The following OR8J1 variants were observed in gnomAD, a reference collection of about 807,000 sequenced individuals.
OR8J1 encodes the protein olfactory receptor 8J1.
For synonymous variants in OR8J1, 157 were observed against 144.3 expected, an observed-to-expected ratio of 1.09 and a Z score of -0.63; for missense variants, 400 against 373.0, an observed-to-expected ratio of 1.07 and a Z score of -0.60.
chr11:56,357,518 T>G (rs1164982994), intron 1 of OR8J1: 1 of 850,868 alleles, frequency 1.2e-6, no homozygotes, highest in Admixed American at 1.7e-5. Flanking sequence ...GTCAGATTGC[T>G]TATGGCTGTA....
At chr11:56,358,503 A>C (rs903367542) in intron 1 of OR8J1, among the ~76,000 whole-genome samples, 6 of 152,154 alleles carry the variant, frequency 3.9e-5, no homozygotes, top group African/African-American at 1.4e-4. Context: ...GTTCTTTCAG[A>C]TCCTTTAGGT....
chr11:56,357,793 A>G, intron 1 of OR8J1: 1 of 1,331,178 alleles, frequency 7.5e-7, no homozygotes, highest in Non-Finnish European at 1.1e-6. Context: ...ACCACTGGCA[A>G]TAAAGTTTTT....
At position 56,360,913 on chromosome 11, in the gene OR8J1, T is replaced by C. The variant is rs1456382578; in HGVS notation, c.667T>C (p.Leu223=). The C allele has an allele frequency of 7.4e-6, 11 of 1,486,324 alleles. No individual in the cohort carries two copies. Among genetic ancestry groups the C allele is most frequent in the Non-Finnish European group, 9.8e-6 (11 of 1,121,622 alleles). 92.1% of individuals were successfully genotyped at this position (1,486,324 alleles called of 1,614,324 possible). ...TCTAGTATCTTATTTCAATATTGTT[T>C]TGTCTATTTTAAAAATATGTTCATC... ...IVLVSYFNIV[L]SILKICSSEG... Residue 223 remains leucine, a synonymous_variant, in exon 2 of 2, where the codon TTG becomes CTG. Coordinates refer to ENST00000533152, the MANE Select transcript of OR8J1 (RefSeq NM_001005205.3).
chr11:56,357,791 C>T (rs1854990136), intron 1 of OR8J1: 1 of 1,338,086 alleles, frequency 7.5e-7, no homozygotes, highest in Admixed American at 1.7e-5. Context: ...CTACCACTGG[C>T]AATAAAGTTT....
At chr11:56,354,522 G>GT (rs1854941958) in intron 1 of OR8J1, among the ~76,000 whole-genome samples, 197 bp downstream of exon 1, 1 of 152,128 alleles carries the variant, frequency 6.6e-6, no homozygotes, top group African/African-American at 2.4e-5. Flanking sequence ...ATATGATCAA[G>GT]CTATTTATGT....
intron 1 of OR8J1, among the ~76,000 whole-genome samples, chr11:56,355,866 A>G (rs1367988098): frequency 6.6e-6 from 1 of 152,190 alleles, no homozygotes; most frequent in Non-Finnish European, 1.5e-5. Context: ...TTTTAAATGT[A>G]TGGAGCCACT....
chr11:56,358,996 T>G (rs1392291105), intron 1 of OR8J1, among the ~76,000 whole-genome samples: 1 of 152,206 alleles, frequency 6.6e-6, no homozygotes, highest in Non-Finnish European at 1.5e-5. Context: ...TCTATTTTTC[T>G]TTTCATTGTA....
At chr11:56,356,398 C>G (rs181125065) in intron 1 of OR8J1, among the ~76,000 whole-genome samples, 12 of 152,132 alleles carry the variant, frequency 7.9e-5, no homozygotes. Context: ...CAGTACAGCA[C>G]CAGGTTTCAG....
chr11:56,355,192 G>A (rs1854950611), intron 1 of OR8J1, among the ~76,000 whole-genome samples: 1 of 151,646 alleles, frequency 6.6e-6, no homozygotes, highest in Admixed American at 6.6e-5. Context: ...AAAACCCTAA[G>A]TACAATGAAA....
Position 56,357,275 on chromosome 11 carries a change from C to T in OR8J1, c.-21+2950C>T, listed in dbSNP as rs181589321. The stretch of plus-strand genomic sequence containing the variant: ...TTTTGTCATGGCTTACAATTCAAGG[C>T]CTGCAGGTCTCTGTCAAGCCGTGGA... On this transcript the variant is annotated intron_variant, in intron 1 of 1. Coordinates refer to ENST00000533152, the MANE Select transcript of OR8J1 (RefSeq NM_001005205.3). The T allele has an allele frequency of 1.5e-5, 6 of 404,426 alleles. No individual in the cohort carries two copies. The East Asian group carries it at 2.6e-4, about 17-fold the overall frequency. 25.1% of individuals were successfully genotyped at this position (404,426 alleles called of 1,614,324 possible).
intron 1 of OR8J1, among the ~76,000 whole-genome samples, chr11:56,358,714 T>G (rs962066901): frequency 6.6e-6 from 1 of 152,206 alleles, no homozygotes; most frequent in Admixed American, 6.5e-5. Context: ...TGCAATAATC[T>G]TGTTTCTACA....
intron 1 of OR8J1, among the ~76,000 whole-genome samples, chr11:56,359,947 A>G (rs773730710): frequency 4.6e-5 from 7 of 152,202 alleles, no homozygotes; most frequent in African/African-American, 7.2e-5. Context: ...GCAAACTAAG[A>G]ATGTACTCAT....
At position 56,361,448 on chromosome 11, in the gene OR8J1, A is replaced by C. The variant is rs1049227397; in HGVS notation, c.*251A>C. 1.9e-5 allele frequency: 7 copies of C among 364,074 alleles called. No individual in the cohort carries two copies. The highest frequency in any genetic ancestry group is 1.2e-4 in the East Asian group (3 of 25,036). The allele number at this position is 364,074 out of a possible 1,614,324, so 22.6% of individuals were successfully genotyped here. ...TGGGATTAAGCAGGTAGACAGTTTGAAATAAAAATGGTTTCCAGCAGTTAG... is the reference window on the plus strand; with the variant it reads ...TGGGATTAAGCAGGTAGACAGTTTGCAATAAAAATGGTTTCCAGCAGTTAG... On this transcript the variant is annotated 3_prime_UTR_variant, in exon 2 of 2. Transcript: ENST00000533152.
chr11:56,360,643 A>ATGG lies in OR8J1; in HGVS notation c.406_408dup (p.Val136dup). 6.2e-7 allele frequency: 1 copy of ATGG among 1,611,196 alleles called. No individual in the cohort carries two copies. The highest frequency in any genetic ancestry group is 8.5e-7 in the Non-Finnish European group (1 of 1,178,898). On this transcript the variant is annotated inframe_insertion, in exon 2 of 2. Coordinates refer to ENST00000533152, the MANE Select transcript of OR8J1 (RefSeq NM_001005205.3). ...GGCTATTTGTAACCCTCTGCTGTAC[A>ATGG]TGGTGGTGGTGTCTCGGCGGCTCTG... is the stretch of plus-strand genomic sequence containing the variant.
Position 56,360,254 on chromosome 11 carries a change from C to G in OR8J1, c.8C>G (p.Pro3Arg). 1 of 1,564,276 alleles carries G rather than the reference C, an allele frequency of 6.4e-7. No individual in the cohort carries two copies. The highest frequency in any genetic ancestry group is 1.7e-4 in the Middle Eastern group (1 of 5,754). ...GAATTTCCAAACTCTGACATGGCTC[C>G]TGAAAATTTCACCAGAGTCACTGAG... MA[P>R]ENFTRVTEFI... Residue 3 changes from proline to arginine, a missense_variant, in exon 2 of 2, where the codon CCT becomes CGT. Pro to Arg is a moderately radical substitution (Grantham distance 103). Coordinates refer to ENST00000533152, the MANE Select transcript of OR8J1 (RefSeq NM_001005205.3).
chr11:56,357,551 C>T (rs1854986366), intron 1 of OR8J1: 21 of 879,012 alleles, frequency 2.4e-5, no homozygotes, highest in Admixed American at 8.5e-5. Flanking sequence ...TGATAGTCCG[C>T]GCGGCACATG....
intron 1 of OR8J1, among the ~76,000 whole-genome samples, chr11:56,359,199 G>A (rs897815931): frequency 1.3e-5 from 2 of 152,008 alleles, no homozygotes; most frequent in Non-Finnish European, 2.9e-5. Context: ...AGTTGGCTTA[G>A]TTAGGGGTAG....
intron 1 of OR8J1, chr11:56,357,807 A>T (rs1854990326): frequency 8.5e-7 from 1 of 1,171,132 alleles, no homozygotes; most frequent in African/African-American, 1.5e-5. Context: ...AGTTTTTGGC[A>T]CCCTGAAGGA....
chr11:56,360,432 C>A lies in OR8J1; in HGVS notation c.186C>A (p.Phe62Leu), dbSNP rs965786062. The change falls in exon 2 of 2, where the codon TTC (phenylalanine) becomes TTA (leucine). Residue 62 changes from phenylalanine (F) to leucine (L), a missense_variant. By Grantham distance (22) the Phe-to-Leu change is conservative (BLOSUM62 0). Transcript: ENST00000533152. Reference protein sequence around the residue: ...DSRLQTPMYFFLQHLALINLG... With the variant: ...DSRLQTPMYFLLQHLALINLG... ...GACTTCAAACCCCCATGTACTTTTT[C>A]CTGCAACATCTGGCTCTCATTAATC... 4 of 1,614,118 alleles carry A rather than the reference C, an allele frequency of 2.5e-6. No homozygotes were observed. The highest frequency in any genetic ancestry group is 3.4e-6 in the Non-Finnish European group (4 of 1,180,010).
Sources: allele counts gnomAD v4.1 joint callset (sites outside exome capture counted in the v4.1 genomes callset), GRCh38; gene constraint gnomAD v4.1.1; transcripts MANE v1.5; gene names NCBI Gene and HGNC (gene_info 2026-07-23, HGNC 2026-07-21).